RABEP1: variants seen among roughly 807,000 people sequenced by gnomAD.
RABEP1 encodes the protein rabaptin, RAB GTPase binding effector protein 1.
In RABEP1, 51 loss-of-function variants were observed where a neutral mutation model predicts 123.4. The ratio of observed to expected loss-of-function variants is 0.41; its 90% CI spans 0.33 to 0.52. The LOEUF (loss-of-function observed/expected upper bound fraction) is 0.52. RABEP1 is among the 20% of genes least tolerant of loss of function. The probability of loss-of-function intolerance (pLI) is 0.16; values close to 1 mark genes in which losing one functional copy is unlikely to be tolerated. For missense variants in RABEP1, 888 were observed against 996.3 expected (o/e 0.89, Z 1.46); for synonymous variants, 347 against 355.2 (o/e 0.98, Z 0.26).
chr17:5,360,556 C>T (rs765091524), intron 8 of RABEP1, among the ~76,000 whole-genome samples: 4 of 152,186 alleles, frequency 2.6e-5, no homozygotes, highest in Non-Finnish European at 5.9e-5. Context: ...AGCGAGACTC[C>T]GTCTCAGAAA....
intron 16 of RABEP1, 86 bp from the exon 17 acceptor site, chr17:5,381,303 T>G (rs1252049726): frequency 6.5e-7 from 1 of 1,547,744 alleles, no homozygotes; most frequent in Non-Finnish European, 8.7e-7. Flanking sequence ...CTTTCTGCCC[T>G]AGTAGTAGGT....
intron 2 of RABEP1, among the ~76,000 whole-genome samples, chr17:5,329,818 CAT>C (rs61446536): frequency 0.13 from 18,465 of 142,722 alleles, 1,232 homozygotes; most frequent in African/African-American, 0.18. Flanking sequence ...TATATATGTT[CAT>C]ATATATATAT....
At chr17:5,315,392 A>G (rs1351568903) in intron 2 of RABEP1, among the ~76,000 whole-genome samples, 1 of 152,226 alleles carries the variant, frequency 6.6e-6, no homozygotes, top group Non-Finnish European at 1.5e-5. Flanking sequence ...GAATATAAAG[A>G]CAAAGAGGAT....
chr17:5,357,559 C>A (rs1909136234), intron 8 of RABEP1, among the ~76,000 whole-genome samples: 1 of 151,968 alleles, frequency 6.6e-6, no homozygotes, highest in Non-Finnish European at 1.5e-5. Flanking sequence ...TTAGTACAGA[C>A]AAGTCTTCAC....
At chr17:5,292,962 A>G (rs980957994) in intron 1 of RABEP1, among the ~76,000 whole-genome samples, 20 of 152,204 alleles carry the variant, frequency 1.3e-4, no homozygotes, top group Non-Finnish European at 2.4e-4. Context: ...CATTACAGGC[A>G]TGAGCTGCTG....
intron 5 of RABEP1, among the ~76,000 whole-genome samples, chr17:5,343,880 T>C (rs764188096): frequency 3.3e-5 from 5 of 151,820 alleles, no homozygotes; most frequent in African/African-American, 4.8e-5. Flanking sequence ...TTTGTCATGT[T>C]GGCCAGGCTG....
chr17:5,377,317 AG>A lies in RABEP1; in HGVS notation c.2215+13del. On this transcript the variant is annotated intron_variant, in intron 14 of 17. Transcript: ENST00000537505. The stretch of plus-strand genomic sequence containing the variant: ...CAAGGAGGAAATAGGTGAAGATAAA[AG>A]TGATGTAGTTTAGAATTAGAGTCAC... 6.4e-7 allele frequency: 1 copy of A among 1,566,900 alleles called. No individual in the cohort carries two copies.
chr17:5,292,208 G>A (rs1315223186), intron 1 of RABEP1, among the ~76,000 whole-genome samples: 1 of 152,186 alleles, frequency 6.6e-6, no homozygotes, highest in Non-Finnish European at 1.5e-5. Flanking sequence ...AAGTGTTCTT[G>A]CCAATAGGCA....
At chr17:5,318,323 G>T (rs2075318428) in intron 2 of RABEP1, among the ~76,000 whole-genome samples, 1 of 152,148 alleles carries the variant, frequency 6.6e-6, no homozygotes, top group Non-Finnish European at 1.5e-5. Flanking sequence ...CCCAATGGGA[G>T]TATGCTATCA....
intron 17 of RABEP1, chr17:5,381,789 C>A (rs1317726851): frequency 2.4e-5 from 6 of 251,922 alleles, no homozygotes; most frequent in Non-Finnish European, 4.4e-5. Flanking sequence ...AGGCCCACCC[C>A]TGTATTTTGC....
In RABEP1 at chr17:5,367,811, A is replaced by AG. The variant is rs879891541; in HGVS notation, c.1786-556dup. On this transcript the variant is annotated intron_variant, in intron 11 of 17. Coordinates refer to ENST00000537505, the MANE Select transcript of RABEP1 (RefSeq NM_004703.6). Reference sequence around the variant, plus strand: ...GCTCTTGTTGCCCAGGCTAGAGTACAGGGTGCGTTCTGGGCTCACTGCAAC... The same window carrying AG: ...GCTCTTGTTGCCCAGGCTAGAGTACAGGGGTGCGTTCTGGGCTCACTGCAAC... 2.5e-4 allele frequency among the ~76,000 whole-genome samples: 38 copies of AG among 150,164 alleles called. 3 individuals are homozygous for AG. Among genetic ancestry groups the AG allele is most frequent in the Admixed American group, 2.0e-3 (30 of 14,978 alleles).
intron 1 of RABEP1, among the ~76,000 whole-genome samples, chr17:5,297,386 C>T (rs1188324995): frequency 6.6e-5 from 10 of 152,126 alleles, no homozygotes; most frequent in Admixed American, 6.5e-4. Flanking sequence ...AGTGTGACTG[C>T]ATAAAAGAAG....
chr17:5,299,412 A>C (rs1269461999), intron 1 of RABEP1, among the ~76,000 whole-genome samples: 1 of 151,204 alleles, frequency 6.6e-6, no homozygotes, highest in Non-Finnish European at 1.5e-5. Flanking sequence ...TTTTACTTAA[A>C]TCACTATTAT....
intron 1 of RABEP1, among the ~76,000 whole-genome samples, chr17:5,292,671 A>C (rs2075044462): frequency 6.6e-6 from 1 of 152,096 alleles, no homozygotes; most frequent in African/African-American, 2.4e-5. Context: ...GGTGTGAACC[A>C]CTGCACCTGG....
At chr17:5,382,772 A>C (rs1243121234) in intron 17 of RABEP1, among the ~76,000 whole-genome samples, 6 of 151,786 alleles carry the variant, frequency 4.0e-5, no homozygotes, top group Non-Finnish European at 8.8e-5. Context: ...AAAAGCAAGC[A>C]AGCCAGGTGT....
chr17:5,368,480 T>A lies in RABEP1; in HGVS notation c.1884+12T>A. On this transcript the variant is annotated intron_variant, in intron 12 of 17. Transcript: ENST00000537505. ...TTCAGGAACAGATGGTAAGTTTACATTTTAAGTAAATGACAACTATGTTAC... is the reference window on the plus strand; with the variant it reads ...TTCAGGAACAGATGGTAAGTTTACAATTTAAGTAAATGACAACTATGTTAC... 1 of 1,579,614 alleles carries A rather than the reference T, an allele frequency of 6.3e-7. No individual in the cohort carries two copies. The highest frequency in any genetic ancestry group is 8.7e-7 in the Non-Finnish European group (1 of 1,149,450).
intron 7 of RABEP1, among the ~76,000 whole-genome samples, chr17:5,351,117 CCCAGGGAAG>C (rs1467815161): frequency 1.3e-5 from 2 of 150,856 alleles, no homozygotes; most frequent in African/African-American, 4.9e-5. Flanking sequence ...TTCAGTGTGG[CCCAGGGAAG>C]CCAAAAGATT....
intron 2 of RABEP1, among the ~76,000 whole-genome samples, chr17:5,313,221 A>G (rs1385085081): frequency 6.6e-6 from 1 of 152,206 alleles, no homozygotes; most frequent in Non-Finnish European, 1.5e-5. Context: ...CAACTCTGAA[A>G]TGCTATATTC....
At chr17:5,376,336 G>C (rs1230433055) in intron 13 of RABEP1, among the ~76,000 whole-genome samples, 1 of 150,848 alleles carries the variant, frequency 6.6e-6, no homozygotes, top group East Asian at 1.9e-4. Context: ...TCAAGAAAAA[G>C]AAAAAAAAAG....
Sources: gnomAD v4.1 joint callset for allele counts (sites outside exome capture counted in the v4.1 genomes callset) on GRCh38, gnomAD v4.1.1 for gene constraint, MANE v1.5 for transcripts, NCBI Gene and HGNC (gene_info 2026-07-23, HGNC 2026-07-21) for gene names.